GALNTL6: variants seen among roughly 807,000 people sequenced by gnomAD.
GALNTL6 encodes the protein polypeptide N-acetylgalactosaminyltransferase-like 6.
Under a neutral mutation model 73.7 loss-of-function variants are expected in GALNTL6, and 46 were observed. The ratio of observed to expected loss-of-function variants is 0.62; its 90% confidence interval spans 0.49 to 0.80. The LOEUF is 0.80. Among genes scored for constraint, GALNTL6 ranks in the 30% least tolerant of loss-of-function variants. The probability of loss-of-function intolerance (pLI) is 0.00; values close to 1 mark genes in which losing one functional copy is unlikely to be tolerated. For missense variants in GALNTL6, 604 were observed against 755.0 expected (o/e 0.80, Z 2.34); for synonymous variants, 259 against 263.7 (o/e 0.98, Z 0.17).
rs1173537886 is a variant in GALNTL6, at chr4:173,041,177, T to G, written c.*1077T>G. On this transcript the variant is annotated 3_prime_UTR_variant, in exon 13 of 13. Transcript: ENST00000506823. ...TTTTATTTGTTCGTTTGTTTGGGTT[T>G]TGCTTTTGTTTTTTATTTTTTTCTT... The G allele has an allele frequency of 1.3e-5, 2 of 151,412 alleles. No homozygotes were observed. Among genetic ancestry groups the G allele is most frequent in the Non-Finnish European group, 2.9e-5 (2 of 67,928 alleles). 9.4% of individuals were successfully genotyped at this position (151,412 alleles called of 1,614,324 possible).
chr4:172,018,413 C>T (rs1232518157), intron 2 of GALNTL6, among the ~76,000 whole-genome samples: 7 of 151,948 alleles, frequency 4.6e-5, no homozygotes, highest in Non-Finnish European at 1.0e-4. Context: ...GGGAGTGGTT[C>T]TCAGTTTTCT....
chr4:171,904,751 C>T (rs1321303255), intron 2 of GALNTL6, among the ~76,000 whole-genome samples: 2 of 152,118 alleles, frequency 1.3e-5, no homozygotes, highest in African/African-American at 4.8e-5. Context: ...AGAGAAAGGT[C>T]GGGTTACCCT....
chr4:172,839,166 G>T (rs1743070006), intron 7 of GALNTL6, among the ~76,000 whole-genome samples: 1 of 152,232 alleles, frequency 6.6e-6, no homozygotes, highest in African/African-American at 2.4e-5. Context: ...CACACCCTTT[G>T]GGAGGGGCCC....
At chr4:172,237,855 C>T (rs1224591669) in intron 3 of GALNTL6, among the ~76,000 whole-genome samples, 2 of 152,046 alleles carry the variant, frequency 1.3e-5, no homozygotes, top group African/African-American at 4.8e-5. Flanking sequence ...GTCCTTTCCC[C>T]ATGCTTGTTT....
chr4:172,401,311 C>T (rs1744029151), intron 5 of GALNTL6, among the ~76,000 whole-genome samples: 1 of 152,118 alleles, frequency 6.6e-6, no homozygotes. Context: ...TTAAAATTCA[C>T]AATTAGTGAA....
intron 3 of GALNTL6, among the ~76,000 whole-genome samples, chr4:172,234,808 A>T (rs796700899): frequency 3.9e-5 from 6 of 152,292 alleles, no homozygotes; most frequent in African/African-American, 1.4e-4. Flanking sequence ...ATGAGCTCAT[A>T]AAATGACTGT....
intron 2 of GALNTL6, among the ~76,000 whole-genome samples, chr4:172,005,794 T>C (rs1275350687): frequency 2.6e-5 from 4 of 152,184 alleles, no homozygotes; most frequent in Non-Finnish European, 4.4e-5. Context: ...TGAATGTTAA[T>C]AAATGAAAGT....
intron 3 of GALNTL6, among the ~76,000 whole-genome samples, chr4:172,291,442 A>T (rs1369823390): frequency 6.6e-6 from 1 of 152,146 alleles, no homozygotes; most frequent in Non-Finnish European, 1.5e-5. Context: ...TAATACTTAA[A>T]GATTTTTAAA....
intron 2 of GALNTL6, among the ~76,000 whole-genome samples, chr4:171,913,732 T>C (rs1737537221): frequency 1.3e-5 from 2 of 152,304 alleles, no homozygotes; most frequent in South Asian, 4.1e-4. Context: ...ACAGTGTCTT[T>C]TCAGAGAAAT....
chr4:172,038,851 G>C (rs1465149094), intron 2 of GALNTL6, among the ~76,000 whole-genome samples: 1 of 152,188 alleles, frequency 6.6e-6, no homozygotes, highest in East Asian at 1.9e-4. Flanking sequence ...AATTCAAATA[G>C]AACATAAAAT....
Position 171,857,808 on chromosome 4 carries a change from A to T in GALNTL6, c.138+43090A>T, listed in dbSNP as rs149495525. Among the ~76,000 whole-genome samples, 218 of 152,278 alleles carry T rather than the reference A, an allele frequency of 1.4e-3. 6 individuals are homozygous for T. The highest frequency in any genetic ancestry group is 4.5e-3 in the Admixed American group (69 of 15,284). On this transcript the variant is annotated intron_variant, in intron 2 of 12. Transcript: ENST00000506823. Reference sequence around the variant, plus strand: ...TTTGCAGGGCTATTTTTAATTTGGGATGAAGCAAGAGAAATGCCCTAATGC... The same window carrying T: ...TTTGCAGGGCTATTTTTAATTTGGGTTGAAGCAAGAGAAATGCCCTAATGC...
intron 2 of GALNTL6, among the ~76,000 whole-genome samples, chr4:172,181,045 T>C (rs1735225229): frequency 6.6e-6 from 1 of 152,328 alleles, no homozygotes; most frequent in Middle Eastern, 3.4e-3. Flanking sequence ...ATAAATTACT[T>C]TGGGCAGTAT....
intron 5 of GALNTL6, among the ~76,000 whole-genome samples, chr4:172,350,343 C>T (rs77472990): frequency 6.6e-6 from 1 of 152,030 alleles, no homozygotes; most frequent in Admixed American, 6.6e-5. Flanking sequence ...AGTTGAAAGC[C>T]TTTGAAAAGG....
intron 3 of GALNTL6, among the ~76,000 whole-genome samples, chr4:172,278,632 G>A (rs1561003015): frequency 6.6e-6 from 1 of 152,038 alleles, no homozygotes; most frequent in African/African-American, 2.4e-5. Context: ...GTAACTTCCT[G>A]AGAAGGAGCA....
chr4:172,262,036 G>A lies in GALNTL6; in HGVS notation c.247+32272G>A, dbSNP rs569939732. Among the ~76,000 whole-genome samples the A allele has an allele frequency of 3.2e-3, 476 of 151,098 alleles. 7 individuals carry two copies. Among genetic ancestry groups the A allele is most frequent in the African/African-American group, 0.011 (457 of 41,380 alleles). ...ATCAAAAACAATTTTGTTTTTAATG[G>A]CTTGTTTGTGGCTTATCATATGGTC... On this transcript the variant is annotated intron_variant, in intron 3 of 12. Transcript: ENST00000506823.
chr4:171,816,545 G>A (rs1015869823), intron 2 of GALNTL6, among the ~76,000 whole-genome samples: 1 of 152,008 alleles, frequency 6.6e-6, no homozygotes, highest in African/African-American at 2.4e-5. Context: ...GAAATTGATT[G>A]ATATTGTATG....
chr4:172,569,583 T>G (rs1247331204), intron 5 of GALNTL6, among the ~76,000 whole-genome samples: 1 of 152,222 alleles, frequency 6.6e-6, no homozygotes, highest in African/African-American at 2.4e-5. Flanking sequence ...AGGAGTTTAC[T>G]CGGCATCAAC....
At chr4:172,263,103 T>C (rs113068480) in intron 3 of GALNTL6, among the ~76,000 whole-genome samples, 367 of 151,678 alleles carry the variant, frequency 2.4e-3, no homozygotes, top group African/African-American at 8.1e-3. Flanking sequence ...GTCTAGATGA[T>C]GATCTATTAG....
At chr4:172,420,432 A>G (rs950686309) in intron 5 of GALNTL6, among the ~76,000 whole-genome samples, 1 of 152,326 alleles carries the variant, frequency 6.6e-6, no homozygotes, top group East Asian at 1.9e-4. Flanking sequence ...ATGGTAGTTC[A>G]TGCAGCAGGA....
Sources: gnomAD v4.1 joint callset for allele counts (sites outside exome capture counted in the v4.1 genomes callset) on GRCh38, gnomAD v4.1.1 for gene constraint, MANE v1.5 for transcripts, NCBI Gene and HGNC (gene_info 2026-07-23, HGNC 2026-07-21) for gene names.